The following TBX5 variants were observed in gnomAD, a reference collection of about 807,000 sequenced individuals.
The protein encoded by TBX5 is T-box transcription factor TBX5.
In TBX5, 8 loss-of-function variants were observed where a neutral mutation model predicts 51.1. That is an observed-to-expected ratio of 0.16 (90% CI 0.09 to 0.28). TBX5 has a LOEUF of 0.28. TBX5 is among the 10% of genes least tolerant of loss of function. The pLI is 1.00. For missense variants in TBX5, 589 were observed against 671.7 expected (o/e 0.88, Z 1.36); for synonymous variants, 302 against 266.4 (o/e 1.13, Z -1.30).
At chr12:114,366,457 A>G in intron 7 of TBX5, 66 bp from the exon 8 acceptor site, 1 of 1,516,246 alleles carries the variant, frequency 6.6e-7, no homozygotes, top group South Asian at 1.1e-5. Flanking sequence ...GAGTGGCTGA[A>G]CCAGGTGTGA....
chr12:114,368,902 C>T (rs894654067), intron 7 of TBX5, among the ~76,000 whole-genome samples: 5 of 151,982 alleles, frequency 3.3e-5, no homozygotes, highest in South Asian at 4.2e-4. Context: ...TGGAGCCATC[C>T]GAGCAGCCGC....
intron 7 of TBX5, among the ~76,000 whole-genome samples, chr12:114,381,904 C>T (rs1219698041): frequency 1.3e-5 from 2 of 152,218 alleles, no homozygotes; most frequent in African/African-American, 4.8e-5. Flanking sequence ...ACACACATGG[C>T]TCTTAGGCTG....
chr12:114,362,643 A>G (rs1319344985), intron 8 of TBX5, among the ~76,000 whole-genome samples: 1 of 152,116 alleles, frequency 6.6e-6, no homozygotes, highest in African/African-American at 2.4e-5. Context: ...TCTCCTTTAT[A>G]GCATTCAATC....
chr12:114,371,911 C>G (rs865886231), intron 7 of TBX5, among the ~76,000 whole-genome samples: 1 of 152,056 alleles, frequency 6.6e-6, no homozygotes, highest in African/African-American at 2.4e-5. Flanking sequence ...AGTAAATAAT[C>G]ACTGGCTTCT....
intron 7 of TBX5, among the ~76,000 whole-genome samples, chr12:114,370,247 A>G (rs1344959251): frequency 1.1e-5 from 1 of 87,230 alleles, no homozygotes; most frequent in Non-Finnish European, 2.6e-5. Flanking sequence ...AGAAAAGAAA[A>G]GAAAAGAAAA....
At chr12:114,401,224 G>T (rs545916883) in intron 3 of TBX5, among the ~76,000 whole-genome samples, 1 of 152,216 alleles carries the variant, frequency 6.6e-6, no homozygotes, top group African/African-American at 2.4e-5. Flanking sequence ...CGAAGCTGCC[G>T]TGTTTATTGG....
rs1293107135 is a variant in TBX5 at position 114,370,274 on chromosome 12, AAAAGAAAAGAAAAG to A, written c.756-3897_756-3884del. Among the ~76,000 whole-genome samples the A allele has an allele frequency of 6.9e-3, 476 of 69,256 alleles. 3 individuals carry two copies. Among genetic ancestry groups the A allele is most frequent in the African/African-American group, 0.012 (286 of 24,670 alleles). 45.4% of individuals were successfully genotyped at this position (69,256 alleles called of 152,430 possible). A position where few individuals can be genotyped will look rare whatever the true frequency, so the allele number is the denominator to read the frequency against. ...AAAAGAAAAGAAAAGAAAAGAAAAG[AAAAGAAAAGAAAAG>A]AAAGAAAAGAAAAGAAAAGAAAAGA... On this transcript the variant is annotated intron_variant, in intron 7 of 8. Transcript: ENST00000405440.
At chr12:114,378,524 T>C (rs1870327253) in intron 7 of TBX5, among the ~76,000 whole-genome samples, 1 of 152,242 alleles carries the variant, frequency 6.6e-6, no homozygotes, top group Non-Finnish European at 1.5e-5. Context: ...TGTGCTTCCA[T>C]GCCTGCTGAG....
At chr12:114,403,715 T>A (rs1254780600) in intron 2 of TBX5, 37 bp downstream of exon 2, 4 of 1,606,454 alleles carry the variant, frequency 2.5e-6, no homozygotes, top group Non-Finnish European at 2.5e-6. Flanking sequence ...CTGACTTTGA[T>A]CTCTGCAAAG....
At chr12:114,370,302 GA>G (rs879935184) in intron 7 of TBX5, among the ~76,000 whole-genome samples, 3,304 of 139,628 alleles carry the variant, frequency 0.024, 121 homozygotes, top group Non-Finnish European at 0.035. Context: ...GAAAAGAAAA[GA>G]AAAGAAAAGA....
rs2136410973 is a variant in TBX5 at position 114,394,826 on chromosome 12, C to A, written c.578G>T (p.Gly193Val). 6.2e-7 allele frequency: 1 copy of A among 1,614,084 alleles called. No individual in the cohort carries two copies. The highest frequency in any genetic ancestry group is 8.5e-7 in the Non-Finnish European group (1 of 1,180,016). ...GAACGCTGTATTTTTTGAGCCAAAT[C>A]CATTATTTTCATCCGCTTTCACGAT... ...LHIVKADENN[G>V]FGSKNTAFCT... Residue 193 changes from glycine (G) to valine (V), a missense_variant, in exon 6 of 9, where the codon GGA (glycine) becomes GTA (valine). By Grantham distance (109) the Gly-to-Val change is moderately radical. Around this residue, in one of 7 missense-constraint regions of TBX5, gnomAD observed 20 missense variants for 50.9 expected, o/e 0.39. Transcript: ENST00000405440.
At chr12:114,373,155 C>T (rs1593854771) in intron 7 of TBX5, among the ~76,000 whole-genome samples, 1 of 152,104 alleles carries the variant, frequency 6.6e-6, no homozygotes, top group East Asian at 1.9e-4. Context: ...GAGCTGATCA[C>T]TTTTTCTAGG....
intron 5 of TBX5, 76 bp from the exon 6 acceptor site, chr12:114,394,969 C>A (rs939899827): frequency 1.3e-6 from 2 of 1,497,046 alleles, no homozygotes; most frequent in African/African-American, 2.8e-5. Flanking sequence ...CTGCTCCCCG[C>A]CCTCTAAATT....
chr12:114,360,670 GGATA>G (rs1430521015), intron 8 of TBX5, among the ~76,000 whole-genome samples: 1 of 150,508 alleles, frequency 6.6e-6, no homozygotes, highest in Non-Finnish European at 1.5e-5. Flanking sequence ...ATGAGTGAGT[GGATA>G]GATAGATGAG....
chr12:114,408,306 A>G (rs1234019737), upstream of TBX5: 3 of 768,674 alleles, frequency 3.9e-6, no homozygotes, highest in Non-Finnish European at 4.7e-6. Context: ...TAAGACACAA[A>G]TAGAGCCAAG....
intron 8 of TBX5, among the ~76,000 whole-genome samples, chr12:114,358,585 T>C (rs1398863835): frequency 6.6e-6 from 1 of 152,092 alleles, no homozygotes; most frequent in Non-Finnish European, 1.5e-5. Flanking sequence ...AGTAAACTTA[T>C]TTCCACTAGA....
intron 7 of TBX5, among the ~76,000 whole-genome samples, chr12:114,384,187 G>A (rs1322734829): frequency 2.6e-5 from 4 of 151,948 alleles, no homozygotes; most frequent in African/African-American, 9.7e-5. Flanking sequence ...AATCTTGAAG[G>A]AAACCAATTT....
chr12:114,363,517 G>A (rs1351217069), intron 8 of TBX5, among the ~76,000 whole-genome samples: 1 of 152,124 alleles, frequency 6.6e-6, no homozygotes, highest in Admixed American at 6.5e-5. Flanking sequence ...TAATTTAATC[G>A]ATTAGAGCTC....
At chr12:114,407,384 G>A (rs1165930170), upstream of TBX5, among the ~76,000 whole-genome samples, 1 of 152,180 alleles carries the variant, frequency 6.6e-6, no homozygotes, top group Non-Finnish European at 1.5e-5. Context: ...CCGAAGACAC[G>A]AAAAACAAAC....
Sources: allele counts gnomAD v4.1 joint callset (sites outside exome capture counted in the v4.1 genomes callset), GRCh38; gene constraint gnomAD v4.1.1; regional missense constraint gnomAD v4.1.1; transcripts MANE v1.5; gene names NCBI Gene and HGNC (gene_info 2026-07-23, HGNC 2026-07-21).